Variants in LMNTD1 observed in about 807,000 individuals in gnomAD.
The protein encoded by LMNTD1 is lamin tail domain-containing protein 1.
LMNTD1 carries 35 observed loss-of-function variants against 50.9 expected under a neutral mutation model. The observed-to-expected ratio is 0.69, with a 90% CI of 0.53 to 0.91. LMNTD1 has a LOEUF of 0.91. Ranked by LOEUF, LMNTD1 falls within the 40% of genes least tolerant of loss-of-function variation. LMNTD1 has a pLI of 0.00. For synonymous variants in LMNTD1, 153 were observed against 161.9 expected (o/e 0.94, Z 0.42); for missense variants, 470 against 475.5 (o/e 0.99, Z 0.11).
intron 1 of LMNTD1, among the ~76,000 whole-genome samples, chr12:25,627,755 A>G (rs1231289952): frequency 6.6e-6 from 1 of 152,228 alleles, no homozygotes; most frequent in Non-Finnish European, 1.5e-5. Flanking sequence ...CATATTCATG[A>G]ACATGAATTA....
intron 1 of LMNTD1, among the ~76,000 whole-genome samples, chr12:25,564,105 G>A (rs1944451711): frequency 6.6e-6 from 1 of 152,176 alleles, no homozygotes; most frequent in South Asian, 2.1e-4. Flanking sequence ...CTTCCCAGGT[G>A]AGGCAATGCC....
At chr12:25,594,659 A>C (rs1469175711) in intron 1 of LMNTD1, among the ~76,000 whole-genome samples, 1 of 148,678 alleles carries the variant, frequency 6.7e-6, no homozygotes. Context: ...TACAAAAAAA[A>C]AAAAAAAAAA....
intron 9 of LMNTD1, chr12:25,500,102 A>C (rs1446513571): frequency 6.6e-6 from 1 of 152,202 alleles, no homozygotes; most frequent in African/African-American, 2.4e-5. Flanking sequence ...CTGACTGAAA[A>C]ATTTTGGAAA....
upstream of LMNTD1, chr12:25,553,386 TTCTTTGCAGTTTGCAGACATTAAATA>T: frequency 1.9e-6 from 1 of 530,064 alleles, no homozygotes; most frequent in Non-Finnish European, 2.8e-6. Context: ...ATGCTGTACC[TTCTTTGCAGTTTGCAGACATTAAATA>T]AAGTAATTTG....
chr12:25,482,244 T>C (rs12306912), intron 9 of LMNTD1, among the ~76,000 whole-genome samples: 28,440 of 151,884 alleles, frequency 0.19, 2,996 homozygotes, highest in Middle Eastern at 0.25. Context: ...GAAGATAACA[T>C]GTTAAGAACA....
At chr12:25,558,073 A>G (rs1281143705), upstream of LMNTD1, among the ~76,000 whole-genome samples, 3 of 152,186 alleles carry the variant, frequency 2.0e-5, no homozygotes, top group Non-Finnish European at 4.4e-5. Flanking sequence ...AAAAATTTTA[A>G]CCTATGAGAG....
rs544724448 is a variant in LMNTD1, at chr12:25,488,809, C to T, written c.*23-12349G>A. On this transcript the variant is annotated intron_variant, in intron 9 of 9. Coordinates refer to ENST00000458174, the MANE Select transcript of LMNTD1 (RefSeq NM_001145728.2). ...TGATGGTGATGTACAGATGGGTTTT[C>T]GGTGTGGATGTCCTTTCTGTTTGTT... 4.1e-4 allele frequency among the ~76,000 whole-genome samples: 63 copies of T among 152,302 alleles called. 1 individual carries two copies. Among genetic ancestry groups the T allele is most frequent in the African/African-American group, 8.7e-4 (36 of 41,566 alleles).
At chr12:25,537,224 C>A (rs1942668292) in intron 4 of LMNTD1, among the ~76,000 whole-genome samples, 1 of 152,192 alleles carries the variant, frequency 6.6e-6, no homozygotes, top group African/African-American at 2.4e-5. Flanking sequence ...TGGAGCCTAC[C>A]ACAGCTCAAG....
At chr12:25,488,855 C>T (rs1938766199) in intron 9 of LMNTD1, among the ~76,000 whole-genome samples, 1 of 152,176 alleles carries the variant, frequency 6.6e-6, no homozygotes, top group Non-Finnish European at 1.5e-5. Context: ...CAGACAGGAT[C>T]CTCAGCTGCA....
intron 1 of LMNTD1, among the ~76,000 whole-genome samples, chr12:25,563,672 T>C (rs1347999217): frequency 6.6e-6 from 1 of 152,238 alleles, no homozygotes; most frequent in African/African-American, 2.4e-5. Flanking sequence ...TCTTAAAAGC[T>C]GTCAGACAGG....
intron 1 of LMNTD1, among the ~76,000 whole-genome samples, chr12:25,598,417 A>C (rs964431206): frequency 6.6e-6 from 1 of 152,108 alleles, no homozygotes; most frequent in Non-Finnish European, 1.5e-5. Context: ...AAAAATTTCA[A>C]ATAACTAGTC....
Position 25,517,133 on chromosome 12 carries a change from T to C in LMNTD1, c.1189+1662A>G, listed in dbSNP as rs543380911. Among the ~76,000 whole-genome samples the C allele has an allele frequency of 3.4e-5, 2 of 58,136 alleles. 1 individual carries two copies. Among genetic ancestry groups the C allele is most frequent in the African/African-American group, 8.4e-5 (2 of 23,674 alleles). The allele number at this position is 58,136 out of a possible 152,430, so 38.1% of individuals were successfully genotyped here. On this transcript the variant is annotated intron_variant, in intron 8 of 9. Coordinates refer to ENST00000458174, the MANE Select transcript of LMNTD1 (RefSeq NM_001145728.2). ...TGGGACTGTAAACTAGTTCAACCAT[T>C]GTGGAAGTCAGTGTGGCGATTCCTC...
At chr12:25,581,372 T>G (rs185025813) in intron 1 of LMNTD1, among the ~76,000 whole-genome samples, 2 of 152,324 alleles carry the variant, frequency 1.3e-5, no homozygotes, top group Admixed American at 6.5e-5. Flanking sequence ...CAAGGTAATG[T>G]AGTTGGCAGG....
chr12:25,505,910 C>T (rs879428597), intron 8 of LMNTD1, among the ~76,000 whole-genome samples: 6 of 152,070 alleles, frequency 3.9e-5, no homozygotes, highest in East Asian at 3.8e-4. Flanking sequence ...TTCACAGAAA[C>T]GTCATGTTAT....
intron 2 of LMNTD1, among the ~76,000 whole-genome samples, chr12:25,550,452 A>C (rs998560894): frequency 2.0e-5 from 3 of 152,142 alleles, no homozygotes; most frequent in African/African-American, 7.2e-5. Context: ...AAAATCCTCC[A>C]ATCCAAACCC....
Position 25,549,474 on chromosome 12 carries a change from T to TG in LMNTD1, c.161dup (p.Leu55ThrfsTer19), listed in dbSNP as rs1943630894. The TG allele has an allele frequency of 1.2e-6, 2 of 1,613,312 alleles. No homozygotes were observed. The highest frequency in any genetic ancestry group is 2.7e-5 in the African/African-American group (2 of 74,874). ...TGGAATTTGAAGATGACAATGGCAG[T>TG]GTTGTGGCAACTGAACCCAACATCT... On this transcript the variant is annotated frameshift_variant, in exon 3 of 10. Coordinates refer to ENST00000458174, the MANE Select transcript of LMNTD1 (RefSeq NM_001145728.2). LOFTEE classifies it high-confidence loss of function.
chr12:25,530,279 A>G (rs1358172463), intron 4 of LMNTD1, among the ~76,000 whole-genome samples: 2 of 152,108 alleles, frequency 1.3e-5, no homozygotes, highest in Admixed American at 6.6e-5. Context: ...TTCATCTATA[A>G]TGTTTCTTAT....
chr12:25,573,995 C>T (rs1944899009), intron 1 of LMNTD1, among the ~76,000 whole-genome samples: 2 of 151,340 alleles, frequency 1.3e-5, no homozygotes, highest in Admixed American at 6.6e-5. Context: ...CCTTGCTTGC[C>T]TCTCCCCTCA....
chr12:25,608,324 C>A (rs953316449), intron 1 of LMNTD1, among the ~76,000 whole-genome samples: 2 of 152,152 alleles, frequency 1.3e-5, no homozygotes, highest in African/African-American at 4.8e-5. Context: ...GGCATTTAGC[C>A]CATTTACATT....
Sources: allele counts gnomAD v4.1 joint callset (sites outside exome capture counted in the v4.1 genomes callset), GRCh38; gene constraint gnomAD v4.1.1; transcripts MANE v1.5; gene names NCBI Gene and HGNC (gene_info 2026-07-23, HGNC 2026-07-21).